IP6K1: variants seen among roughly 807,000 people sequenced by gnomAD.
The protein encoded by IP6K1 is ATP:1D-myo-inositol-hexakisphosphate phosphotransferase.
In IP6K1, 13 loss-of-function variants were observed where a neutral mutation model predicts 38.3. That is an observed-to-expected ratio of 0.34 (90% CI 0.22 to 0.54). The LOEUF is 0.54. Among genes scored for constraint, IP6K1 ranks in the 20% least tolerant of loss-of-function variants. The pLI, the probability that IP6K1 is intolerant of heterozygous loss-of-function variation, is 0.92. For missense variants in IP6K1, 397 were observed against 599.8 expected, an observed-to-expected ratio of 0.66 and a Z score of 3.53; for synonymous variants, 212 against 229.9, an observed-to-expected ratio of 0.92 and a Z score of 0.70.
chr3:49,765,557 G>A (rs1447290899), intron 1 of IP6K1, among the ~76,000 whole-genome samples: 2 of 146,340 alleles, frequency 1.4e-5, no homozygotes, highest in Non-Finnish European at 1.5e-5. Context: ...GGCTGAAGCA[G>A]AAGAATCACT....
At chr3:49,771,057 T>C (rs1357220801) in intron 1 of IP6K1, among the ~76,000 whole-genome samples, 1 of 151,324 alleles carries the variant, frequency 6.6e-6, no homozygotes, top group East Asian at 1.9e-4. Flanking sequence ...AGTTAGAGGG[T>C]ACACTAAGTT....
At chr3:49,732,724 G>C (rs2080573917) in intron 4 of IP6K1, 67 bp downstream of exon 4, 1 of 1,364,820 alleles carries the variant, frequency 7.3e-7, no homozygotes, top group African/African-American at 1.4e-5. Context: ...GCCATAGGCA[G>C]AATGGTGCCC....
chr3:49,777,728 C>A (rs1350458087), intron 1 of IP6K1, among the ~76,000 whole-genome samples: 1 of 150,676 alleles, frequency 6.6e-6, no homozygotes, highest in Non-Finnish European at 1.5e-5. Flanking sequence ...TCCTGGCTAA[C>A]ATGGTGAAAC....
intron 2 of IP6K1, among the ~76,000 whole-genome samples, chr3:49,740,845 TTTTC>T (rs1328013568): frequency 2.6e-5 from 4 of 151,886 alleles, no homozygotes; most frequent in East Asian, 1.9e-4. Context: ...AATCCCTGTT[TTTTC>T]TTTTTTCTTT....
intron 1 of IP6K1, among the ~76,000 whole-genome samples, chr3:49,755,286 A>AC (rs1484211777): frequency 2.6e-5 from 4 of 152,090 alleles, no homozygotes; most frequent in African/African-American, 9.7e-5. Flanking sequence ...TAGTGCCTTC[A>AC]CATTTCACAG....
chr3:49,741,532 C>G (rs1029019719), intron 2 of IP6K1, among the ~76,000 whole-genome samples: 7 of 152,108 alleles, frequency 4.6e-5, no homozygotes, highest in Non-Finnish European at 1.0e-4. Flanking sequence ...AAAACATAAT[C>G]AGAAGAATAC....
chr3:49,729,048 G>T (rs1247413710), intron 4 of IP6K1, among the ~76,000 whole-genome samples: 1 of 151,750 alleles, frequency 6.6e-6, no homozygotes, highest in Non-Finnish European at 1.5e-5. Context: ...CTGTCTCAGG[G>T]GGTTCAAGCC....
intron 2 of IP6K1, among the ~76,000 whole-genome samples, chr3:49,745,944 A>T (rs1276567780): frequency 1.3e-5 from 2 of 152,148 alleles, no homozygotes; most frequent in Non-Finnish European, 2.9e-5. Flanking sequence ...ATACCAACAG[A>T]CAATAACAAA....
intron 1 of IP6K1, among the ~76,000 whole-genome samples, chr3:49,765,736 C>G (rs1023585157): frequency 1.3e-5 from 2 of 150,262 alleles, no homozygotes; most frequent in African/African-American, 4.9e-5. Context: ...TCAACTGATA[C>G]ATAAACTATG....
chr3:49,764,696 T>C (rs1200856767), intron 1 of IP6K1, among the ~76,000 whole-genome samples: 1 of 152,038 alleles, frequency 6.6e-6, no homozygotes, highest in Non-Finnish European at 1.5e-5. Flanking sequence ...CTGGCCAACA[T>C]GGCACAATCC....
chr3:49,783,106 T>G, intron 1 of IP6K1, among the ~76,000 whole-genome samples: 1 of 138,918 alleles, frequency 7.2e-6, no homozygotes, highest in Non-Finnish European at 1.6e-5. Context: ...GGCGACAGAG[T>G]GAGACTCTGT....
intron 1 of IP6K1, among the ~76,000 whole-genome samples, chr3:49,757,630 G>T (rs1309224584): frequency 6.6e-6 from 1 of 152,138 alleles, no homozygotes; most frequent in Non-Finnish European, 1.5e-5. Context: ...TGAGACAGGA[G>T]GATTGCTTGA....
chr3:49,740,228 CTTTT>C (rs71080547), intron 2 of IP6K1, among the ~76,000 whole-genome samples: 1 of 76,496 alleles, frequency 1.3e-5, no homozygotes, highest in African/African-American at 4.7e-5. Context: ...ATTTGCAATT[CTTTT>C]TTTTTTTTTT....
chr3:49,749,473 G>T (rs1360363658), intron 1 of IP6K1, among the ~76,000 whole-genome samples: 1 of 152,188 alleles, frequency 6.6e-6, no homozygotes, highest in Admixed American at 6.6e-5. Flanking sequence ...ACATCAGAAA[G>T]ATTAAGACCA....
chr3:49,777,155 G>A (rs1490952337), intron 1 of IP6K1, among the ~76,000 whole-genome samples: 1 of 152,060 alleles, frequency 6.6e-6, no homozygotes, highest in Non-Finnish European at 1.5e-5. Context: ...AAAATCACTT[G>A]AACCTAGGAG....
Position 49,747,507 on chromosome 3 carries a change from A to T in IP6K1, c.223+311T>A, listed in dbSNP as rs78209449. Among the ~76,000 whole-genome samples the T allele has an allele frequency of 3.4e-3, 512 of 152,234 alleles. 3 individuals carry two copies. The highest frequency in any genetic ancestry group is 0.012 in the African/African-American group (502 of 41,522). Reference sequence around the variant, plus strand: ...CCATTCCGCCTCCGGGACGAGAGAAATGTTCCCTCTTCTCTCCCAGACTAG... The same window carrying T: ...CCATTCCGCCTCCGGGACGAGAGAATTGTTCCCTCTTCTCTCCCAGACTAG... On this transcript the variant is annotated intron_variant, in intron 2 of 5. Coordinates refer to ENST00000321599, the MANE Select transcript of IP6K1 (RefSeq NM_153273.4).
intron 4 of IP6K1, among the ~76,000 whole-genome samples, chr3:49,730,808 T>C (rs555302385): frequency 1.3e-5 from 2 of 152,072 alleles, no homozygotes; most frequent in African/African-American, 2.4e-5. Context: ...CCTCCGCCTC[T>C]TGAGTTCAAA....
intron 1 of IP6K1, among the ~76,000 whole-genome samples, chr3:49,766,122 G>A (rs1325109221): frequency 5.3e-5 from 8 of 152,154 alleles, no homozygotes; most frequent in Non-Finnish European, 1.2e-4. Context: ...CTTGCCGTGA[G>A]CCGAGATTGC....
At chr3:49,783,120 A>AG (rs1483002548) in intron 1 of IP6K1, among the ~76,000 whole-genome samples, 1 of 132,696 alleles carries the variant, frequency 7.5e-6, no homozygotes, top group Non-Finnish European at 1.7e-5. Context: ...ACTCTGTCTC[A>AG]AAAAAAAAAA....
Sources: gnomAD v4.1 joint callset for allele counts (sites outside exome capture counted in the v4.1 genomes callset) on GRCh38, gnomAD v4.1.1 for gene constraint, MANE v1.5 for transcripts, NCBI Gene and HGNC (gene_info 2026-07-23, HGNC 2026-07-21) for gene names.